Variants in GRB14 observed in about 807,000 individuals in gnomAD.
The protein encoded by GRB14 is growth factor receptor-bound protein 14.
A neutral mutation model predicts 69.1 loss-of-function variants in GRB14; 38 were observed. The observed-to-expected ratio is 0.55, with a 90% CI of 0.42 to 0.72. The LOEUF is 0.72. Among genes scored for constraint, GRB14 ranks in the 30% least tolerant of loss-of-function variants. The pLI is 0.00. For missense variants in GRB14, 666 were observed against 666.1 expected, an observed-to-expected ratio of 1.00 and a Z score of 0.00; for synonymous variants, 247 against 241.3, an observed-to-expected ratio of 1.02 and a Z score of -0.22.
At chr2:164,562,857 C>A (rs921255807) in intron 2 of GRB14, among the ~76,000 whole-genome samples, 2 of 152,236 alleles carry the variant, frequency 1.3e-5, no homozygotes, top group Admixed American at 1.3e-4. Context: ...CTAAAGCATA[C>A]ATATAATCTG....
rs73020248 is a variant in GRB14 at position 164,500,843 on chromosome 2, A to G, written c.1104+1412T>C. Among the ~76,000 whole-genome samples, 1,226 of 152,186 alleles carry G rather than the reference A, an allele frequency of 8.1e-3. 13 individuals are homozygous for G. The highest frequency in any genetic ancestry group is 0.028 in the African/African-American group (1,168 of 41,558). On this transcript the variant is annotated intron_variant, in intron 9 of 13. Transcript: ENST00000263915. ...TAGATCAATAGCAGCATCACCTTCA[A>G]TGGAAAAAGACAAGGGTAATACCAT...
chr2:164,567,121 C>T (rs989120036), intron 2 of GRB14, among the ~76,000 whole-genome samples: 3 of 152,084 alleles, frequency 2.0e-5, no homozygotes, highest in East Asian at 1.9e-4. Context: ...TAATGCACTG[C>T]TAAGTCCAAT....
intron 3 of GRB14, among the ~76,000 whole-genome samples, chr2:164,543,588 G>A (rs190368464): frequency 9.5e-4 from 144 of 152,228 alleles, no homozygotes; most frequent in Admixed American, 2.5e-3. Flanking sequence ...CTAAAGTTCT[G>A]GAAAATAGTT....
intron 2 of GRB14, among the ~76,000 whole-genome samples, chr2:164,566,823 T>C (rs1310629825): frequency 6.6e-6 from 1 of 152,160 alleles, no homozygotes; most frequent in Admixed American, 6.5e-5. Context: ...GAAGATATTA[T>C]TTACTGAAAA....
At chr2:164,557,660 C>A (rs756729707) in intron 2 of GRB14, among the ~76,000 whole-genome samples, 1 of 152,138 alleles carries the variant, frequency 6.6e-6, no homozygotes, top group African/African-American at 2.4e-5. Context: ...TCCATCAAGT[C>A]ACCCCTGACC....
intron 6 of GRB14, among the ~76,000 whole-genome samples, chr2:164,511,806 T>C (rs1055560124): frequency 1.3e-5 from 2 of 152,050 alleles, no homozygotes; most frequent in African/African-American, 4.8e-5. Flanking sequence ...CGGCCACAGA[T>C]GGATAGAGCA....
intron 12 of GRB14, among the ~76,000 whole-genome samples, chr2:164,495,590 C>G (rs1359585501): frequency 6.6e-6 from 1 of 152,174 alleles, no homozygotes. Context: ...GGTAAATACA[C>G]CGTGTAAATG....
At chr2:164,549,614 G>A (rs1049040689) in intron 2 of GRB14, among the ~76,000 whole-genome samples, 7 of 152,096 alleles carry the variant, frequency 4.6e-5, no homozygotes, top group Non-Finnish European at 1.5e-5. Context: ...TGTAATCTCA[G>A]CACTTTGGGA....
chr2:164,502,950 T>C (rs1159718595), intron 8 of GRB14, among the ~76,000 whole-genome samples: 1 of 151,960 alleles, frequency 6.6e-6, no homozygotes, highest in Non-Finnish European at 1.5e-5. Flanking sequence ...CAAGGTACAA[T>C]ATAAGTGGTA....
rs150077711 is a variant in GRB14, at chr2:164,596,004, G to A, written c.324+23683C>T. On this transcript the variant is annotated intron_variant, in intron 2 of 13. Transcript: ENST00000263915. ...CTGTGCTTGGTGGCATGCGCCTGTA[G>A]TCCCAGCCACTCGGAAGGCTGAGGC... Among the ~76,000 whole-genome samples the A allele has an allele frequency of 3.8e-3, 573 of 152,186 alleles. 2 individuals carry two copies. Among genetic ancestry groups the A allele is most frequent in the African/African-American group, 0.013 (535 of 41,536 alleles).
At chr2:164,568,596 G>A (rs1056253201) in intron 2 of GRB14, 5 of 339,062 alleles carry the variant, frequency 1.5e-5, no homozygotes, top group African/African-American at 2.2e-5. Context: ...GGAAAACCCC[G>A]CCTTTGTCCT....
rs139715023 is a variant in GRB14 at position 164,526,032 on chromosome 2, T to C, written c.604-954A>G. Reference sequence around the variant, plus strand: ...GCATTGAACAATATTTCTTTAAATATATCTTTTTAAATTCTTGTCTTTAAT... The same window carrying C: ...GCATTGAACAATATTTCTTTAAATACATCTTTTTAAATTCTTGTCTTTAAT... On this transcript the variant is annotated intron_variant, in intron 4 of 13. Transcript: ENST00000263915. Among the ~76,000 whole-genome samples the C allele has an allele frequency of 1.4e-3, 208 of 152,264 alleles. 7 individuals are homozygous for C. In the East Asian group the frequency reaches 0.033, roughly 24 times the overall value.
intron 9 of GRB14, among the ~76,000 whole-genome samples, chr2:164,501,258 C>T (rs1687045241): frequency 6.6e-6 from 1 of 151,970 alleles, no homozygotes; most frequent in Admixed American, 6.6e-5. Context: ...AGTTCTTTTT[C>T]TATATAGTCT....
At chr2:164,542,017 A>G (rs568136445) in intron 3 of GRB14, among the ~76,000 whole-genome samples, 10 of 152,334 alleles carry the variant, frequency 6.6e-5, no homozygotes, top group African/African-American at 2.4e-4. Flanking sequence ...ACATTACCCC[A>G]CTTCAAACCA....
At chr2:164,513,163 T>C (rs1340564399) in intron 6 of GRB14, among the ~76,000 whole-genome samples, 1 of 152,100 alleles carries the variant, frequency 6.6e-6, no homozygotes, top group African/African-American at 2.4e-5. Context: ...CCCTTCAGTC[T>C]CTTTTTCTCT....
intron 2 of GRB14, among the ~76,000 whole-genome samples, chr2:164,559,256 C>T (rs1688759641): frequency 6.6e-6 from 1 of 151,960 alleles, no homozygotes; most frequent in Non-Finnish European, 1.5e-5. Flanking sequence ...TTTACTTTTC[C>T]TTCATTTTTC....
intron 2 of GRB14, among the ~76,000 whole-genome samples, chr2:164,562,386 T>A (rs1015113233): frequency 6.6e-6 from 1 of 152,328 alleles, no homozygotes; most frequent in South Asian, 2.1e-4. Context: ...TCATTTTTTT[T>A]AATTCAAATT....
rs1559016744 is a variant in GRB14 at position 164,492,746 on chromosome 2, T to C, written c.*290A>G. The C allele has an allele frequency of 8.7e-6, 2 of 228,892 alleles. No individual in the cohort carries two copies. The highest frequency in any genetic ancestry group is 1.6e-4 in the South Asian group (1 of 6,212). The allele number at this position is 228,892 out of a possible 1,614,324, so 14.2% of individuals were successfully genotyped here. On this transcript the variant is annotated 3_prime_UTR_variant, in exon 14 of 14. Coordinates refer to ENST00000263915, the MANE Select transcript of GRB14 (RefSeq NM_004490.3). ...TGCTATATGGTAAATAAGGGAGACA[T>C]GTTTTAAATATGCATATTTGAAGAA...
intron 2 of GRB14, chr2:164,573,888 T>A: frequency 6.2e-7 from 1 of 1,612,662 alleles, no homozygotes; most frequent in Non-Finnish European, 8.5e-7. Flanking sequence ...GATGCCAAGA[T>A]TGATTCTAAA....
Sources: gnomAD v4.1 joint callset for allele counts (sites outside exome capture counted in the v4.1 genomes callset) on GRCh38, gnomAD v4.1.1 for gene constraint, MANE v1.5 for transcripts, NCBI Gene and HGNC (gene_info 2026-07-23, HGNC 2026-07-21) for gene names.